SEMA4F: variants seen among roughly 807,000 people sequenced by gnomAD.
The protein encoded by SEMA4F is ssemaphorin 4F.
Under a neutral mutation model 78.4 loss-of-function variants are expected in SEMA4F, and 51 were observed. The observed-to-expected ratio is 0.65, with a 90% CI of 0.52 to 0.82. The LOEUF (loss-of-function observed/expected upper bound fraction) is 0.82. Ranked by LOEUF, SEMA4F falls within the 40% of genes least tolerant of loss-of-function variation. The pLI is 0.00. For missense variants in SEMA4F, 938 were observed against 1,014.4 expected (o/e 0.92, Z 1.02); for synonymous variants, 418 against 408.7 (o/e 1.02, Z -0.27).
intron 2 of SEMA4F, among the ~76,000 whole-genome samples, chr2:74,656,931 C>G (rs1306224501): frequency 6.6e-6 from 1 of 151,752 alleles, no homozygotes; most frequent in Non-Finnish European, 1.5e-5. Flanking sequence ...ACCACAGTGA[C>G]CAGGTTTCAG....
the SEMA4F span, among the ~76,000 whole-genome samples, chr2:74,701,996 T>C: frequency 1.3e-5 from 2 of 152,144 alleles, no homozygotes; most frequent in Non-Finnish European, 2.9e-5. Flanking sequence ...AAGGGCATTG[T>C]GGTAAACTTG....
intron 1 of SEMA4F, among the ~76,000 whole-genome samples, 158 bp from the exon 2 acceptor site, chr2:74,656,376 T>C (rs574155337): frequency 2.0e-5 from 3 of 152,312 alleles, no homozygotes; most frequent in Admixed American, 2.0e-4. Context: ...TCTGGCCTCA[T>C]CTATCTCTGG....
At chr2:74,674,788 G>A in intron 8 of SEMA4F, 100 bp from the exon 9 acceptor site, 1 of 1,553,246 alleles carries the variant, frequency 6.4e-7, no homozygotes, top group Non-Finnish European at 8.7e-7. Flanking sequence ...TTGGCTGCAT[G>A]GCTCCCTGTG....
intron 2 of SEMA4F, among the ~76,000 whole-genome samples, chr2:74,657,175 G>A (rs753517130): frequency 1.2e-3 from 179 of 152,262 alleles, no homozygotes; most frequent in Non-Finnish European, 1.9e-3. Flanking sequence ...CAACCAGTAT[G>A]TATTCTGCGA....
At position 74,680,208 on chromosome 2, in the gene SEMA4F, A is replaced by G. The variant is rs746439207; in HGVS notation, c.2312A>G (p.Ter771TrpextTer7). 15 of 1,558,996 alleles carry G rather than the reference A, an allele frequency of 9.6e-6. No homozygotes were observed. Among genetic ancestry groups the G allele is most frequent in the Non-Finnish European group, 1.2e-5 (14 of 1,148,318 alleles). ...PLATCDETSI[*>W] ...GCCACATGTGATGAAACATCCATCT[A>G]GAGCTGGGCAAATGACCACTAGTGT... Residue 771 changes from the stop codon to tryptophan, a stop_lost, in exon 14 of 14, where the codon TAG becomes TGG. Transcript: ENST00000357877.
Position 74,657,913 on chromosome 2 carries a change from T to G in SEMA4F, c.418T>G (p.Cys140Gly), listed in dbSNP as rs1304246409. 1.4e-5 allele frequency: 23 copies of G among 1,614,246 alleles called. No individual in the cohort carries two copies. Among genetic ancestry groups the G allele is most frequent in the Non-Finnish European group, 1.9e-5 (22 of 1,180,042 alleles). ...TGCCAATGCCTCTCACCTCCTCACT[T>G]GTGGCACCTTCGCTTTTGATCCGAA... ...AIANASHLLT[C>G]GTFAFDPKCG... The change falls in exon 4 of 14, where the codon TGT becomes GGT. Residue 140 changes from cysteine (C) to glycine (G), a missense_variant. Coordinates refer to ENST00000357877, the MANE Select transcript of SEMA4F (RefSeq NM_004263.5).
At chr2:74,688,942 G>A in the SEMA4F span, among the ~76,000 whole-genome samples, 4 of 152,098 alleles carry the variant, frequency 2.6e-5, no homozygotes, top group African/African-American at 9.7e-5. Context: ...TCAGGTTCTG[G>A]GCTAGATTCT....
chr2:74,673,527 T>C lies in SEMA4F; in HGVS notation c.621T>C (p.Gly207=), dbSNP rs1180865488. 2.1e-5 allele frequency: 34 copies of C among 1,613,944 alleles called. No individual in the cohort carries two copies. The highest frequency in any genetic ancestry group is 2.9e-5 in the Non-Finnish European group (34 of 1,180,026). ...GTEPIITRAV[G]RAEDWIRTDT... ...AGCCAATTATCACCAGAGCAGTGGG[T>C]CGTGCCGAGGACTGGATTCGGACAG... The change falls in exon 6 of 14, where the codon GGT becomes GGC. Residue 207 remains glycine, a synonymous_variant. Transcript: ENST00000357877.
At chr2:74,697,118 A>C in the SEMA4F span, among the ~76,000 whole-genome samples, 1 of 152,376 alleles carries the variant, frequency 6.6e-6, no homozygotes, top group African/African-American at 2.4e-5. Context: ...ACAGAGTAGA[A>C]GTGTGCCTGT....
intron 1 of SEMA4F, among the ~76,000 whole-genome samples, 155 bp from the exon 2 acceptor site, chr2:74,656,379 A>G (rs1558716078): frequency 6.6e-6 from 1 of 152,136 alleles, no homozygotes. Flanking sequence ...GGCCTCATCT[A>G]TCTCTGGTTC....
At chr2:74,684,048 C>T (rs1464700887), downstream of SEMA4F, among the ~76,000 whole-genome samples, 3 of 151,806 alleles carry the variant, frequency 2.0e-5, no homozygotes, top group South Asian at 4.2e-4. Context: ...GGAGTCATCC[C>T]CCTAATGCAA....
At chr2:74,660,833 C>G (rs915636096) in intron 4 of SEMA4F, among the ~76,000 whole-genome samples, 5 of 152,116 alleles carry the variant, frequency 3.3e-5, no homozygotes, top group African/African-American at 1.2e-4. Flanking sequence ...GTGAGGAAGT[C>G]CAGCAGTCAA....
At chr2:74,705,219 C>G in the SEMA4F span, among the ~76,000 whole-genome samples, 2 of 152,216 alleles carry the variant, frequency 1.3e-5, no homozygotes, top group South Asian at 2.1e-4. Context: ...TTGGTAACAT[C>G]TTTCTGGAGA....
At chr2:74,706,130 T>C in the SEMA4F span, among the ~76,000 whole-genome samples, 42,697 of 151,960 alleles carry the variant, frequency 0.28, 9,003 homozygotes, top group East Asian at 0.82. Context: ...TTTTTTAACA[T>C]TTTAGGCAAT....
chr2:74,699,013 C>T, the SEMA4F span, among the ~76,000 whole-genome samples: 3 of 151,906 alleles, frequency 2.0e-5, no homozygotes, highest in Non-Finnish European at 4.4e-5. Context: ...GGTGTCTCAC[C>T]ATGTTGCCCA....
At chr2:74,684,072 A>G (rs1312455210), downstream of SEMA4F, among the ~76,000 whole-genome samples, 1 of 146,690 alleles carries the variant, frequency 6.8e-6, no homozygotes, top group East Asian at 2.1e-4. Flanking sequence ...CTCCCCACAC[A>G]TATCCACCAA....
intron 4 of SEMA4F, among the ~76,000 whole-genome samples, chr2:74,659,350 A>T (rs1243066714): frequency 6.6e-6 from 1 of 152,140 alleles, no homozygotes; most frequent in African/African-American, 2.4e-5. Flanking sequence ...AGGGCCTTTA[A>T]TTCTTCCTTG....
Position 74,680,261 on chromosome 2 carries a change from A to G in SEMA4F, c.*52A>G. 1.3e-6 allele frequency: 2 copies of G among 1,509,044 alleles called. No homozygotes were observed. The highest frequency in any genetic ancestry group is 1.8e-6 in the Non-Finnish European group (2 of 1,126,042). 93.5% of individuals were successfully genotyped at this position (1,509,044 alleles called of 1,614,324 possible). A position where few individuals can be genotyped will look rare whatever the true frequency, so the allele number is the denominator to read the frequency against. ...AAGTGATCACTGGAACGGAGTGACC[A>G]CTGAGATGCTGGGGGTCACTGGGCC... On this transcript the variant is annotated 3_prime_UTR_variant, in exon 14 of 14. Transcript: ENST00000357877.
rs192127286 is a variant in SEMA4F, at chr2:74,681,565, T to C, written c.*1356T>C. On this transcript the variant is annotated 3_prime_UTR_variant, in exon 14 of 14. Transcript: ENST00000357877. ...GTGGCCTCTCAGTTCTCTTTGAGTC[T>C]GACTGACTGTGGCCAGTCCCTGGAC... The C allele has an allele frequency of 6.5e-5, 10 of 152,856 alleles. No homozygotes were observed. In the East Asian group the frequency reaches 1.9e-3, roughly 30 times the overall value. 9.5% of individuals were successfully genotyped at this position (152,856 alleles called of 1,614,324 possible).
Sources: gnomAD v4.1 joint callset for allele counts (sites outside exome capture counted in the v4.1 genomes callset) on GRCh38, gnomAD v4.1.1 for gene constraint, MANE v1.5 for transcripts, NCBI Gene and HGNC (gene_info 2026-07-23, HGNC 2026-07-21) for gene names.